KIAA1217: variants seen among roughly 807,000 people sequenced by gnomAD.
KIAA1217 encodes the protein KIAA1217.
A neutral mutation model predicts 163.9 loss-of-function variants in KIAA1217; 88 were observed. The ratio of observed to expected loss-of-function variants is 0.54; its 90% CI spans 0.45 to 0.64. The LOEUF is 0.64. Ranked by LOEUF, KIAA1217 falls within the 30% of genes least tolerant of loss-of-function variation. The pLI is 0.00. For missense variants in KIAA1217, 2,372 were observed against 2,475.0 expected, an observed-to-expected ratio of 0.96 and a Z score of 0.88; for synonymous variants, 903 against 923.1, an observed-to-expected ratio of 0.98 and a Z score of 0.39.
intron 1 of KIAA1217, among the ~76,000 whole-genome samples, chr10:23,969,130 G>T (rs1410465704): frequency 6.6e-6 from 1 of 152,108 alleles, no homozygotes; most frequent in African/African-American, 2.4e-5. Context: ...TGCCTCCCAG[G>T]TTCAAGCGAT....
intron 1 of KIAA1217, among the ~76,000 whole-genome samples, chr10:23,710,537 G>A (rs1336389433): frequency 6.6e-6 from 1 of 152,228 alleles, no homozygotes; most frequent in Non-Finnish European, 1.5e-5. Context: ...GAGAAACAGA[G>A]TAGCCTTATT....
rs554774085 is a variant in KIAA1217 at position 24,015,474 on chromosome 10, G to T, written c.-171+8100G>T. On this transcript the variant is annotated intron_variant, in intron 2 of 18. Coordinates refer to the KIAA1217 transcript ENST00000376462. Reference sequence around the variant, plus strand: ...ACCAGGTCTAGAAATAGCAACATAAGGCCAGGCATGGTGGCTTATACCCAT... The same window carrying T: ...ACCAGGTCTAGAAATAGCAACATAATGCCAGGCATGGTGGCTTATACCCAT... Among the ~76,000 whole-genome samples, 19 of 152,154 alleles carry T rather than the reference G, an allele frequency of 1.2e-4. No homozygotes were observed. The South Asian group carries it at 3.7e-3, about 30-fold the overall frequency.
intron 1 of KIAA1217, among the ~76,000 whole-genome samples, chr10:23,995,972 G>A (rs1846462792): frequency 6.6e-6 from 1 of 152,152 alleles, no homozygotes; most frequent in Non-Finnish European, 1.5e-5. Flanking sequence ...CCATGAAACA[G>A]TCCATCTCAC....
chr10:24,094,681 G>A (rs1372210370), intron 2 of KIAA1217, among the ~76,000 whole-genome samples: 1 of 152,184 alleles, frequency 6.6e-6, no homozygotes, highest in Non-Finnish European at 1.5e-5. Flanking sequence ...GGGGGTCAGG[G>A]GTCAGGGACC....
intron 1 of KIAA1217, among the ~76,000 whole-genome samples, chr10:23,791,527 C>T (rs1835950780): frequency 6.6e-6 from 1 of 152,104 alleles, no homozygotes; most frequent in East Asian, 1.9e-4. Context: ...AAATTAAATT[C>T]CTTAACATCA....
intron 1 of KIAA1217, among the ~76,000 whole-genome samples, chr10:23,932,649 A>G (rs1796272360): frequency 6.6e-6 from 1 of 152,194 alleles, no homozygotes; most frequent in Non-Finnish European, 1.5e-5. Flanking sequence ...TTTTAGCATC[A>G]TCTTACCCCA....
intron 3 of KIAA1217, among the ~76,000 whole-genome samples, chr10:24,422,149 A>G (rs886827051): frequency 7.9e-5 from 12 of 152,118 alleles, no homozygotes; most frequent in African/African-American, 2.7e-4. Context: ...CTTATTCACT[A>G]TCACAAGAAC....
intron 1 of KIAA1217, among the ~76,000 whole-genome samples, chr10:23,875,287 G>A (rs770025863): frequency 6.6e-5 from 10 of 152,024 alleles, no homozygotes; most frequent in Non-Finnish European, 7.4e-5. Flanking sequence ...AGAAACAGGG[G>A]AGCAAGGGAC....
At chr10:23,895,672 G>C (rs936059698) in intron 1 of KIAA1217, among the ~76,000 whole-genome samples, 3 of 151,996 alleles carry the variant, frequency 2.0e-5, no homozygotes, top group Non-Finnish European at 4.4e-5. Context: ...AAATTATGCT[G>C]CTATAAAGAC....
chr10:24,385,436 C>T (rs1030036708), intron 3 of KIAA1217, among the ~76,000 whole-genome samples: 3 of 152,146 alleles, frequency 2.0e-5, no homozygotes, highest in Non-Finnish European at 2.9e-5. Flanking sequence ...TGGTCTCCCT[C>T]GGGTGCTGTC....
intron 2 of KIAA1217, among the ~76,000 whole-genome samples, chr10:24,074,703 CTTTTT>C (rs35168053): frequency 2.0e-5 from 2 of 99,486 alleles, no homozygotes; most frequent in African/African-American, 3.1e-5. Context: ...TCTTCTTCTT[CTTTTT>C]TTTTTTTTTT....
chr10:23,851,770 T>C (rs1839343934), intron 1 of KIAA1217, among the ~76,000 whole-genome samples: 1 of 150,740 alleles, frequency 6.6e-6, no homozygotes, highest in African/African-American at 2.4e-5. Flanking sequence ...CCAGTGATGG[T>C]GAGCATTTTT....
At chr10:24,517,924 G>A (rs958717939) in intron 10 of KIAA1217, among the ~76,000 whole-genome samples, 2 of 152,220 alleles carry the variant, frequency 1.3e-5, no homozygotes, top group Admixed American at 1.3e-4. Flanking sequence ...GAACCCGGGA[G>A]ACGGAGGTTG....
intron 5 of KIAA1217, among the ~76,000 whole-genome samples, chr10:24,472,916 C>T (rs2063681613): frequency 6.6e-6 from 1 of 152,154 alleles, no homozygotes; most frequent in Non-Finnish European, 1.5e-5. Flanking sequence ...CTTCTCATAG[C>T]ACCTTCCAAA....
intron 19 of KIAA1217, 23 bp downstream of exon 19, chr10:24,544,504 G>A (rs183265002): frequency 6.3e-7 from 1 of 1,578,934 alleles, no homozygotes; most frequent in East Asian, 2.3e-5. Flanking sequence ...GCTGGAAAAT[G>A]AAAAGACCCA....
intron 1 of KIAA1217, among the ~76,000 whole-genome samples, chr10:23,990,412 T>C (rs1294584174): frequency 1.3e-5 from 2 of 152,164 alleles, no homozygotes; most frequent in Non-Finnish European, 2.9e-5. Flanking sequence ...TTCAGCAAAA[T>C]AGTATCCTTC....
intron 2 of KIAA1217, among the ~76,000 whole-genome samples, chr10:24,166,996 AT>A (rs2065380904): frequency 6.6e-6 from 1 of 152,158 alleles, no homozygotes; most frequent in South Asian, 2.1e-4. Context: ...TTGGAAAGGG[AT>A]GGCAGCGAAT....
chr10:24,499,583 T>G (rs879574114), intron 8 of KIAA1217, among the ~76,000 whole-genome samples: 1 of 151,962 alleles, frequency 6.6e-6, no homozygotes, highest in Non-Finnish European at 1.5e-5. Context: ...AAATACAAAA[T>G]TAACTGGGTG....
At chr10:24,124,397 T>G (rs960262408) in intron 2 of KIAA1217, among the ~76,000 whole-genome samples, 1 of 152,128 alleles carries the variant, frequency 6.6e-6, no homozygotes. Context: ...ATGGCAGTTC[T>G]GCTCATTCTT....
Sources: allele counts gnomAD v4.1 joint callset (sites outside exome capture counted in the v4.1 genomes callset), GRCh38; gene constraint gnomAD v4.1.1; transcripts MANE v1.5; gene names NCBI Gene and HGNC (gene_info 2026-07-23, HGNC 2026-07-21).